Variants in NRCAM observed in about 807,000 individuals in gnomAD.
NRCAM encodes NgCAM-related cell adhesion molecule.
NRCAM carries 83 observed loss-of-function variants against 156.5 expected under a neutral mutation model. The ratio of observed to expected loss-of-function variants is 0.53; its 90% CI spans 0.44 to 0.64. The LOEUF (loss-of-function observed/expected upper bound fraction) is 0.64, where lower values mean the gene tolerates loss of function less well. NRCAM is among the 30% of genes least tolerant of loss of function. The probability of loss-of-function intolerance (pLI) is 0.00; values close to 1 mark genes in which losing one functional copy is unlikely to be tolerated. For synonymous variants in NRCAM, 538 were observed against 563.9 expected (o/e 0.95, Z 0.65); for missense variants, 1,417 against 1,597.3 (o/e 0.89, Z 1.92).
At chr7:108,337,948 G>T (rs947150822) in intron 2 of NRCAM, among the ~76,000 whole-genome samples, 3 of 152,198 alleles carry the variant, frequency 2.0e-5, no homozygotes, top group Middle Eastern at 3.4e-3. Flanking sequence ...GACACCTGTC[G>T]GCCGGTTAAA....
chr7:108,436,317 GAAAC>G (rs1449750444), intron 1 of NRCAM, among the ~76,000 whole-genome samples: 2 of 152,106 alleles, frequency 1.3e-5, no homozygotes, highest in Non-Finnish European at 2.9e-5. Flanking sequence ...GTAAAACCAA[GAAAC>G]AAACAAATGT....
chr7:108,381,724 TAATTTTTTG>T (rs2099702399), intron 2 of NRCAM, among the ~76,000 whole-genome samples: 1 of 151,992 alleles, frequency 6.6e-6, no homozygotes, highest in South Asian at 2.1e-4. Context: ...CATGCCCGGC[TAATTTTTTG>T]TATTTTTAAT....
chr7:108,213,003 A>G (rs1196447190), intron 11 of NRCAM, among the ~76,000 whole-genome samples: 12 of 152,192 alleles, frequency 7.9e-5, no homozygotes, highest in African/African-American at 2.9e-4. Context: ...CAAAAGCATG[A>G]GGTAACCTAT....
intron 2 of NRCAM, among the ~76,000 whole-genome samples, chr7:108,314,950 C>T (rs1479601011): frequency 2.6e-5 from 4 of 152,084 alleles, no homozygotes; most frequent in Non-Finnish European, 4.4e-5. Flanking sequence ...AACTGGCCTC[C>T]TTAACAATAC....
At chr7:108,455,015 G>A (rs1243683680) in intron 1 of NRCAM, among the ~76,000 whole-genome samples, 1 of 152,166 alleles carries the variant, frequency 6.6e-6, no homozygotes, top group African/African-American at 2.4e-5. Flanking sequence ...GCGGCGCAGG[G>A]GCCACCCGCC....
rs555741254 is a variant in NRCAM at position 108,243,411 on chromosome 7, T to G, written c.-106-3241A>C. Reference sequence around the variant, plus strand: ...ACTGCACAAAGAAAAACCACCGCTTTGCACTCTTGATATTGACGTCAATTC... The same window carrying G: ...ACTGCACAAAGAAAAACCACCGCTTGGCACTCTTGATATTGACGTCAATTC... On this transcript the variant is annotated intron_variant, in intron 3 of 32. Coordinates refer to ENST00000379028, the MANE Select transcript of NRCAM (RefSeq NM_001037132.4). Among the ~76,000 whole-genome samples, 59 of 152,322 alleles carry G rather than the reference T, an allele frequency of 3.9e-4. 1 individual carries two copies. The South Asian group carries it at 8.5e-3, about 22-fold the overall frequency.
intron 1 of NRCAM, among the ~76,000 whole-genome samples, chr7:108,427,546 T>C (rs1818925809): frequency 6.6e-6 from 1 of 152,236 alleles, no homozygotes; most frequent in Non-Finnish European, 1.5e-5. Context: ...TTATGAAGAT[T>C]AACAATTACA....
chr7:108,285,670 T>C (rs2098069511), intron 3 of NRCAM, among the ~76,000 whole-genome samples: 1 of 152,232 alleles, frequency 6.6e-6, no homozygotes, highest in Admixed American at 6.5e-5. Flanking sequence ...TCTAAAAGCA[T>C]TGGGAAGCTA....
At chr7:108,290,461 C>T (rs1287440778) in intron 3 of NRCAM, among the ~76,000 whole-genome samples, 2 of 152,054 alleles carry the variant, frequency 1.3e-5, no homozygotes, top group African/African-American at 2.4e-5. Context: ...AGCTAAAAAC[C>T]ATTTTCCTCA....
chr7:108,337,951 C>A (rs906176005), intron 2 of NRCAM, among the ~76,000 whole-genome samples: 1 of 152,040 alleles, frequency 6.6e-6, no homozygotes, highest in Admixed American at 6.5e-5. Flanking sequence ...ACCTGTCGGC[C>A]GGTTAAAAAC....
chr7:108,290,926 AG>A (rs1293004600), intron 3 of NRCAM, among the ~76,000 whole-genome samples: 1 of 152,204 alleles, frequency 6.6e-6, no homozygotes, highest in East Asian at 1.9e-4. Flanking sequence ...TATTGCAAAT[AG>A]GGTTTCTGCT....
At chr7:108,154,572 C>T (rs1268484383) in intron 32 of NRCAM, among the ~76,000 whole-genome samples, 1 of 152,114 alleles carries the variant, frequency 6.6e-6, no homozygotes, top group Non-Finnish European at 1.5e-5. Flanking sequence ...ACGGGCTGTG[C>T]TTGAAAGAAG....
At chr7:108,168,682 T>C (rs1443679932) in intron 28 of NRCAM, among the ~76,000 whole-genome samples, 1 of 152,170 alleles carries the variant, frequency 6.6e-6, no homozygotes, top group Non-Finnish European at 1.5e-5. Context: ...GTCCATTAGA[T>C]ACAGTCCCGG....
At chr7:108,160,200 C>T (rs1056845347) in intron 31 of NRCAM, among the ~76,000 whole-genome samples, 161 bp downstream of exon 31, 2 of 152,020 alleles carry the variant, frequency 1.3e-5, no homozygotes, top group Non-Finnish European at 2.9e-5. Flanking sequence ...GTTTAGATTG[C>T]CATTATATAA....
rs573516032 is a variant in NRCAM, at chr7:108,266,678, C to G, written c.-106-26508G>C. On this transcript the variant is annotated intron_variant, in intron 3 of 32. Coordinates refer to ENST00000379028, the MANE Select transcript of NRCAM (RefSeq NM_001037132.4). ...GAAATATCAGTCATTCCCTGTGACT[C>G]ACACCAGCTTCTATATTTAGAACTG... Among the ~76,000 whole-genome samples the G allele has an allele frequency of 2.6e-5, 4 of 152,268 alleles. No individual in the cohort carries two copies. In the South Asian group the frequency reaches 8.3e-4, roughly 32 times the overall value.
chr7:108,348,230 A>ATG (rs1271698246), intron 2 of NRCAM, among the ~76,000 whole-genome samples: 1 of 152,106 alleles, frequency 6.6e-6, no homozygotes, highest in African/African-American at 2.4e-5. Flanking sequence ...ATGTGCATGC[A>ATG]TGTGTGTGTG....
chr7:108,227,874 C>A (rs1589148398), intron 8 of NRCAM, among the ~76,000 whole-genome samples: 1 of 152,278 alleles, frequency 6.6e-6, no homozygotes, highest in South Asian at 2.1e-4. Context: ...GGAGCTCCCT[C>A]AGGCAGAAAA....
chr7:108,213,805 A>AG (rs1421719055), intron 11 of NRCAM, among the ~76,000 whole-genome samples: 1 of 152,178 alleles, frequency 6.6e-6, no homozygotes, highest in Non-Finnish European at 1.5e-5. Context: ...TTTAGCATGA[A>AG]GGGCTGTTGA....
chr7:108,212,226 G>A (rs933881843), intron 11 of NRCAM, among the ~76,000 whole-genome samples: 1 of 152,166 alleles, frequency 6.6e-6, no homozygotes, highest in African/African-American at 2.4e-5. Context: ...AACCCCATGG[G>A]ACAAAAGAAT....
Sources: gnomAD v4.1 joint callset for allele counts (sites outside exome capture counted in the v4.1 genomes callset) on GRCh38, gnomAD v4.1.1 for gene constraint, MANE v1.5 for transcripts, NCBI Gene and HGNC (gene_info 2026-07-23, HGNC 2026-07-21) for gene names.